CSMD3: variants seen among roughly 807,000 people sequenced by gnomAD.
CSMD3 encodes CUB and sushi domain-containing protein 3.
A neutral mutation model predicts 435.2 loss-of-function variants in CSMD3; 177 were observed. The ratio of observed to expected loss-of-function variants is 0.41; its 90% CI spans 0.36 to 0.46. The LOEUF is 0.46. Among genes scored for constraint, CSMD3 ranks in the 20% least tolerant of loss-of-function variants. CSMD3 has a pLI of 0.34. For synonymous variants in CSMD3, 1,656 were observed against 1,520.5 expected, an observed-to-expected ratio of 1.09 and a Z score of -2.07; for missense variants, 4,265 against 4,504.6, an observed-to-expected ratio of 0.95 and a Z score of 1.52.
intron 1 of CSMD3, among the ~76,000 whole-genome samples, chr8:113,354,274 C>T (rs1183912068): frequency 6.6e-6 from 1 of 152,068 alleles, no homozygotes; most frequent in Non-Finnish European, 1.5e-5. Flanking sequence ...TAGTTTTGTA[C>T]TCCTGAATTT....
chr8:112,465,912 T>C (rs1352710086), intron 32 of CSMD3, among the ~76,000 whole-genome samples: 4 of 150,978 alleles, frequency 2.6e-5, no homozygotes, highest in Non-Finnish European at 5.9e-5. Context: ...GAGGCGAAGG[T>C]TGCAGTGAGC....
At chr8:112,719,868 A>G (rs1005281804) in intron 13 of CSMD3, among the ~76,000 whole-genome samples, 15 of 152,332 alleles carry the variant, frequency 9.8e-5, no homozygotes, top group African/African-American at 3.4e-4. Context: ...AATTAAAGGA[A>G]CAAATAAGCA....
chr8:112,495,141 T>C (rs954843953), intron 30 of CSMD3, among the ~76,000 whole-genome samples: 1 of 152,178 alleles, frequency 6.6e-6, no homozygotes, highest in South Asian at 2.1e-4. Context: ...TGTTTATTTA[T>C]AAAAAATAAA....
chr8:113,025,175 C>T lies in CSMD3; in HGVS notation c.918-5996G>A, dbSNP rs191609926. ...CCTTTGGAAGGCTCACATTTCTTTGCTTTTTCACATTTCTTCTTTCCCTAT... is the reference window on the plus strand; with the variant it reads ...CCTTTGGAAGGCTCACATTTCTTTGTTTTTTCACATTTCTTCTTTCCCTAT... On this transcript the variant is annotated intron_variant, in intron 5 of 70. Coordinates refer to ENST00000297405, the MANE Select transcript of CSMD3 (RefSeq NM_198123.2). Among the ~76,000 whole-genome samples the T allele has an allele frequency of 2.0e-3, 310 of 152,180 alleles. 1 individual carries two copies. Among genetic ancestry groups the T allele is most frequent in the Non-Finnish European group, 3.6e-3 (248 of 67,984 alleles).
chr8:113,096,519 C>T (rs970700454), intron 5 of CSMD3, among the ~76,000 whole-genome samples: 3 of 152,004 alleles, frequency 2.0e-5, no homozygotes, highest in African/African-American at 7.2e-5. Flanking sequence ...TTTAGCTTTC[C>T]CTCCTATAGT....
At chr8:112,631,699 T>C (rs545834583) in intron 22 of CSMD3, among the ~76,000 whole-genome samples, 1 of 152,116 alleles carries the variant, frequency 6.6e-6, no homozygotes. Flanking sequence ...AGCTTTTATA[T>C]TGTTAAGCCA....
intron 1 of CSMD3, among the ~76,000 whole-genome samples, chr8:113,329,205 A>AAATAAATAAATAAATG (rs2094008256): frequency 1.8e-3 from 1 of 544 alleles, no homozygotes; most frequent in African/African-American, 2.5e-3. Flanking sequence ...TAAAGAATGA[A>AAATAAATAAATAAATG]AATAAATAAA....
intron 6 of CSMD3, among the ~76,000 whole-genome samples, chr8:112,997,682 TAA>T (rs2085705258): frequency 1.3e-5 from 2 of 151,660 alleles, no homozygotes; most frequent in South Asian, 4.1e-4. Flanking sequence ...TGAAGATTTT[TAA>T]AAGTTTGATA....
intron 4 of CSMD3, among the ~76,000 whole-genome samples, chr8:113,133,512 T>C (rs2091338657): frequency 6.6e-6 from 1 of 152,042 alleles, no homozygotes; most frequent in Non-Finnish European, 1.5e-5. Context: ...ATGTGGAAAA[T>C]AGAATGGAGG....
chr8:112,466,388 CTG>C (rs1817958268), intron 32 of CSMD3, among the ~76,000 whole-genome samples: 2 of 152,014 alleles, frequency 1.3e-5, no homozygotes, highest in African/African-American at 4.8e-5. Context: ...ACAACATAGA[CTG>C]TGTTGCTGAA....
intron 45 of CSMD3, among the ~76,000 whole-genome samples, chr8:112,325,434 T>A (rs954705921): frequency 5.9e-5 from 9 of 152,168 alleles, no homozygotes; most frequent in Non-Finnish European, 1.2e-4. Context: ...TGTTTCACAG[T>A]CTGGCAATTT....
At chr8:112,518,547 C>A (rs1424264115) in intron 27 of CSMD3, among the ~76,000 whole-genome samples, 1 of 151,242 alleles carries the variant, frequency 6.6e-6, no homozygotes, top group African/African-American at 2.4e-5. Context: ...GAGCATCATG[C>A]ATCAAAGAAT....
chr8:112,916,621 A>C (rs1036087723), intron 10 of CSMD3, among the ~76,000 whole-genome samples: 1 of 151,964 alleles, frequency 6.6e-6, no homozygotes, highest in Non-Finnish European at 1.5e-5. Context: ...AGAAGGCATC[A>C]ACAACTACAG....
intron 1 of CSMD3, among the ~76,000 whole-genome samples, chr8:113,372,104 A>C (rs1247642631): frequency 6.6e-6 from 1 of 152,192 alleles, no homozygotes; most frequent in Admixed American, 6.5e-5. Flanking sequence ...TGACTCTGCA[A>C]GGCCAGGTGC....
rs548013107 is a variant in CSMD3 at position 112,966,455 on chromosome 8, A to G, written c.1342+9382T>C. 1.2e-4 allele frequency among the ~76,000 whole-genome samples: 18 copies of G among 149,598 alleles called. No individual in the cohort carries two copies. In the East Asian group the frequency reaches 1.8e-3, roughly 15 times the overall value. Reference sequence around the variant, plus strand: ...TTGTATACTTTTCTTTTTTCTCTTTATTTTCTTTTCTTCTTCTTTTTTTCA... The same window carrying G: ...TTGTATACTTTTCTTTTTTCTCTTTGTTTTCTTTTCTTCTTCTTTTTTTCA... On this transcript the variant is annotated intron_variant, in intron 7 of 70. Transcript: ENST00000297405.
chr8:112,597,702 G>A (rs201635461), intron 22 of CSMD3, among the ~76,000 whole-genome samples: 1,948 of 135,378 alleles, frequency 0.014, 98 homozygotes, highest in East Asian at 0.11. Context: ...GGGATGCAAG[G>A]CTGGTTCAAT....
At chr8:113,369,351 A>G (rs965671003) in intron 1 of CSMD3, among the ~76,000 whole-genome samples, 3 of 151,974 alleles carry the variant, frequency 2.0e-5, no homozygotes, top group African/African-American at 7.2e-5. Flanking sequence ...TTCTCCTCTG[A>G]TAAGATATGA....
rs547181530 is a variant in CSMD3, at chr8:113,033,378, G to A, written c.918-14199C>T. On this transcript the variant is annotated intron_variant, in intron 5 of 70. Transcript: ENST00000297405. ...GGGAGCCCACCCATTGCATCAATAT[G>A]CCCTGGATGTGAGGCATACAGTCAA... is the stretch of plus-strand genomic sequence containing the variant. Among the ~76,000 whole-genome samples, 8 of 151,786 alleles carry A rather than the reference G, an allele frequency of 5.3e-5. No individual in the cohort carries two copies. In the South Asian group the frequency reaches 1.7e-3, roughly 32 times the overall value.
At chr8:113,429,719 T>C (rs2094659191) in intron 1 of CSMD3, among the ~76,000 whole-genome samples, 1 of 152,150 alleles carries the variant, frequency 6.6e-6, no homozygotes, top group African/African-American at 2.4e-5. Flanking sequence ...CCATCTGAGC[T>C]AACTTTCTAA....
Sources: allele counts gnomAD v4.1 joint callset (sites outside exome capture counted in the v4.1 genomes callset), GRCh38; gene constraint gnomAD v4.1.1; transcripts MANE v1.5; gene names NCBI Gene and HGNC (gene_info 2026-07-23, HGNC 2026-07-21).